Variants in ZC3H3 observed in about 807,000 individuals in gnomAD.
The protein encoded by ZC3H3 is zinc finger CCCH-type containing 3.
ZC3H3 carries 36 observed loss-of-function variants against 77.3 expected under a neutral mutation model. The ratio of observed to expected loss-of-function variants is 0.47; its 90% CI spans 0.36 to 0.61. The LOEUF is 0.61. ZC3H3 is among the 20% of genes least tolerant of loss of function. The probability of loss-of-function intolerance (pLI) is 0.00; values close to 1 mark genes in which losing one functional copy is unlikely to be tolerated. For missense variants in ZC3H3, 1,331 were observed against 1,312.2 expected, an observed-to-expected ratio of 1.01 and a Z score of -0.22; for synonymous variants, 626 against 555.2, an observed-to-expected ratio of 1.13 and a Z score of -1.79.
At chr8:143,471,409 C>T (rs374437244) in intron 5 of ZC3H3, among the ~76,000 whole-genome samples, 2 of 152,218 alleles carry the variant, frequency 1.3e-5, no homozygotes, top group Admixed American at 6.5e-5. Flanking sequence ...AGAGGCCGGA[C>T]GTGCCAGGAA....
At chr8:143,472,621 C>G (rs374526234) in intron 5 of ZC3H3, among the ~76,000 whole-genome samples, 172 of 152,328 alleles carry the variant, frequency 1.1e-3, no homozygotes, top group African/African-American at 4.0e-3. Flanking sequence ...CCACAGGCGT[C>G]TCTGTGGACA....
At chr8:143,473,654 G>A (rs1017930558) in intron 5 of ZC3H3, among the ~76,000 whole-genome samples, 42 of 152,342 alleles carry the variant, frequency 2.8e-4, no homozygotes, top group African/African-American at 1.0e-3. Flanking sequence ...CGTGGGGCTT[G>A]GCCTCTGCCA....
At chr8:143,532,732 T>C (rs562041266) in intron 3 of ZC3H3, among the ~76,000 whole-genome samples, 2 of 152,310 alleles carry the variant, frequency 1.3e-5, no homozygotes, top group African/African-American at 4.8e-5. Context: ...CCTCAGTTCC[T>C]AGGCAGGCAG....
intron 9 of ZC3H3, among the ~76,000 whole-genome samples, chr8:143,444,331 G>A (rs1197793608): frequency 6.6e-6 from 1 of 152,102 alleles, no homozygotes; most frequent in African/African-American, 2.4e-5. Flanking sequence ...CCATGAACAA[G>A]TCCACTGTAT....
chr8:143,511,816 C>CA (rs1821878255), intron 3 of ZC3H3, among the ~76,000 whole-genome samples: 1 of 152,240 alleles, frequency 6.6e-6, no homozygotes. Flanking sequence ...GCAAAGACAG[C>CA]AAAACTGTCA....
chr8:143,510,650 G>A (rs1821843536), intron 3 of ZC3H3, among the ~76,000 whole-genome samples: 1 of 152,236 alleles, frequency 6.6e-6, no homozygotes, highest in Non-Finnish European at 1.5e-5. Context: ...TTGGGAGGCT[G>A]CAGGACGCTG....
chr8:143,508,039 C>G, intron 3 of ZC3H3, 140 bp from the exon 4 acceptor site: 1 of 1,047,256 alleles, frequency 9.5e-7, no homozygotes, highest in African/African-American at 1.6e-5. Flanking sequence ...GGATAAAACC[C>G]TCAACCCATG....
chr8:143,490,988 A>G (rs1821184945), intron 4 of ZC3H3, among the ~76,000 whole-genome samples: 1 of 152,258 alleles, frequency 6.6e-6, no homozygotes, highest in African/African-American at 2.4e-5. Flanking sequence ...TGGTATTTAA[A>G]ACGGCGGCAC....
At chr8:143,477,538 A>G (rs1312389668) in intron 4 of ZC3H3, among the ~76,000 whole-genome samples, 3 of 152,180 alleles carry the variant, frequency 2.0e-5, no homozygotes, top group Non-Finnish European at 4.4e-5. Flanking sequence ...AGGTGCCTGC[A>G]GGCCCAGCAG....
Position 143,437,890 on chromosome 8 carries a change from G to T in ZC3H3, c.*166C>A. The T allele has an allele frequency of 1.1e-6, 1 of 933,212 alleles. No individual in the cohort carries two copies. The highest frequency in any genetic ancestry group is 1.6e-6 in the Non-Finnish European group (1 of 608,030). 57.8% of individuals were successfully genotyped at this position (933,212 alleles called of 1,614,324 possible). Reference sequence around the variant, plus strand: ...GAGGAAGACCAGGCCCTGCGCACACGCTGGTCATGGAAGGTTGAGGGCCAG... The same window carrying T: ...GAGGAAGACCAGGCCCTGCGCACACTCTGGTCATGGAAGGTTGAGGGCCAG... On this transcript the variant is annotated 3_prime_UTR_variant, in exon 12 of 12. Transcript: ENST00000262577.
chr8:143,516,076 G>C (rs1255379563), intron 3 of ZC3H3, among the ~76,000 whole-genome samples: 1 of 152,198 alleles, frequency 6.6e-6, no homozygotes, highest in Non-Finnish European at 1.5e-5. Context: ...GTGTGCTTCA[G>C]GCCCGTCCAT....
At position 143,444,037 on chromosome 8, in the gene ZC3H3, C is replaced by T. The variant is rs569013301; in HGVS notation, c.2308-2917G>A. On this transcript the variant is annotated intron_variant, in intron 9 of 11. Transcript: ENST00000262577. Reference sequence around the variant, plus strand: ...TTGCCCAGGCTGGAGTGCAGTGGCACGATCTCGGCTCACTGCAACCTCTGC... The same window carrying T: ...TTGCCCAGGCTGGAGTGCAGTGGCATGATCTCGGCTCACTGCAACCTCTGC... Among the ~76,000 whole-genome samples, 16 of 150,898 alleles carry T rather than the reference C, an allele frequency of 1.1e-4. No individual in the cohort carries two copies. The East Asian group carries it at 1.8e-3, about 17-fold the overall frequency.
intron 4 of ZC3H3, among the ~76,000 whole-genome samples, chr8:143,481,353 G>A (rs935051486): frequency 6.6e-5 from 10 of 152,156 alleles, no homozygotes; most frequent in Admixed American, 6.5e-4. Context: ...TTCCCTCCCC[G>A]CCACCGAAGT....
Position 143,437,954 on chromosome 8 carries a change from T to C in ZC3H3, c.*102A>G. ...TGTCCCTGTGGCCCCCAGGTGAGGCTTGGTGGCGGGCGGCCCTCCTGTGGG... is the reference window on the plus strand; with the variant it reads ...TGTCCCTGTGGCCCCCAGGTGAGGCCTGGTGGCGGGCGGCCCTCCTGTGGG... On this transcript the variant is annotated 3_prime_UTR_variant, in exon 12 of 12. Transcript: ENST00000262577. The C allele has an allele frequency of 3.4e-6, 5 of 1,486,940 alleles. No individual in the cohort carries two copies. The highest frequency in any genetic ancestry group is 4.6e-6 in the Non-Finnish European group (5 of 1,088,026). 92.1% of individuals were successfully genotyped at this position (1,486,940 alleles called of 1,614,324 possible). A position where few individuals can be genotyped will look rare whatever the true frequency, so the allele number is the denominator to read the frequency against.
intron 4 of ZC3H3, among the ~76,000 whole-genome samples, chr8:143,478,396 T>C (rs916204600): frequency 1.1e-4 from 16 of 151,974 alleles, no homozygotes; most frequent in African/African-American, 3.9e-4. Context: ...CCTCTGGGGG[T>C]CAGCAGGCAC....
intron 4 of ZC3H3, among the ~76,000 whole-genome samples, chr8:143,495,643 T>G (rs1821325536): frequency 6.6e-6 from 1 of 152,236 alleles, no homozygotes; most frequent in East Asian, 1.9e-4. Flanking sequence ...GAGTGCAGTG[T>G]CAGTCAGGGC....
chr8:143,503,964 GTTTCTAC>G (rs1259948556), intron 4 of ZC3H3, among the ~76,000 whole-genome samples: 1 of 152,116 alleles, frequency 6.6e-6, no homozygotes, highest in Non-Finnish European at 1.5e-5. Context: ...CCGACAGTAA[GTTTCTAC>G]TTAAATTAGG....
At chr8:143,516,050 C>T (rs779561659) in intron 3 of ZC3H3, among the ~76,000 whole-genome samples, 1 of 152,224 alleles carries the variant, frequency 6.6e-6, no homozygotes, top group Non-Finnish European at 1.5e-5. Context: ...TGCTGGCCCT[C>T]CCCTTGAGTG....
Position 143,437,957 on chromosome 8 carries a change from G to T in ZC3H3, c.*99C>A. 1 of 1,502,404 alleles carries T rather than the reference G, an allele frequency of 6.7e-7. No individual in the cohort carries two copies. 93.1% of individuals were successfully genotyped at this position (1,502,404 alleles called of 1,614,324 possible). A position where few individuals can be genotyped will look rare whatever the true frequency, so the allele number is the denominator to read the frequency against. The stretch of plus-strand genomic sequence containing the variant: ...CCCTGTGGCCCCCAGGTGAGGCTTG[G>T]TGGCGGGCGGCCCTCCTGTGGGGTA... On this transcript the variant is annotated 3_prime_UTR_variant, in exon 12 of 12. Coordinates refer to ENST00000262577, the MANE Select transcript of ZC3H3 (RefSeq NM_015117.3).
Sources: allele counts gnomAD v4.1 joint callset (sites outside exome capture counted in the v4.1 genomes callset), GRCh38; gene constraint gnomAD v4.1.1; transcripts MANE v1.5; gene names NCBI Gene and HGNC (gene_info 2026-07-23, HGNC 2026-07-21).